The following FFAR2 variants were observed in gnomAD, a reference collection of about 807,000 sequenced individuals.
The protein encoded by FFAR2 is free fatty acid receptor 2.
For missense variants in FFAR2, 421 were observed against 428.9 expected (o/e 0.98, Z 0.16); for synonymous variants, 193 against 189.9 (o/e 1.02, Z -0.13).
At position 35,450,596 on chromosome 19, in the gene FFAR2, G is replaced by A; in HGVS notation, c.882G>A (p.Gln294=). 1 of 1,614,210 alleles carries A rather than the reference G, an allele frequency of 6.2e-7. No individual in the cohort carries two copies. Among genetic ancestry groups the A allele is most frequent in the Non-Finnish European group, 8.5e-7 (1 of 1,180,040 alleles). The part of the protein sequence containing the change: ...FGRGLQVLRN[Q]GSSLLGRRGK... Reference sequence around the variant, plus strand: ...GAGGGCTGCAGGTGCTGCGGAATCAGGGCTCCTCCCTGTTGGGACGCAGAG... The same window carrying A: ...GAGGGCTGCAGGTGCTGCGGAATCAAGGCTCCTCCCTGTTGGGACGCAGAG... Residue 294 remains glutamine (Q), a synonymous_variant, in exon 2 of 2, where the codon CAG becomes CAA. Transcript: ENST00000599180.
rs775283874 is a variant in FFAR2 at position 35,450,248 on chromosome 19, C to T, written c.534C>T (p.Pro178=). Residue 178 remains proline, a synonymous_variant, in exon 2 of 2, where the codon CCC becomes CCT. Coordinates refer to ENST00000599180, the MANE Select transcript of FFAR2 (RefSeq NM_001370087.1). ...FTDNQLDVVL[P]VRLELCLVLF... ...ATAACCAGTTGGACGTGGTGCTGCC[C>T]GTGCGGCTGGAGCTGTGCCTGGTGC... 1.9e-6 allele frequency: 3 copies of T among 1,614,198 alleles called. No individual in the cohort carries two copies. Among genetic ancestry groups the T allele is most frequent in the East Asian group, 2.2e-5 (1 of 44,886 alleles).
At chr19:35,448,795 C>T (rs994062322) in intron 1 of FFAR2, among the ~76,000 whole-genome samples, 1 of 142,560 alleles carries the variant, frequency 7.0e-6, no homozygotes, top group East Asian at 1.9e-4. Context: ...CCAGCTTCCC[C>T]TTTTCTTTTC....
intron 1 of FFAR2, 50 bp from the exon 2 acceptor site, chr19:35,449,664 G>A (rs748043974): frequency 6.6e-6 from 10 of 1,516,308 alleles, no homozygotes; most frequent in Middle Eastern, 1.8e-4. Context: ...CTGGCTGCGC[G>A]GGCTGTGAGT....
At position 35,450,599 on chromosome 19, in the gene FFAR2, C is replaced by T. The variant is rs1225897204; in HGVS notation, c.885C>T (p.Gly295=). 6.2e-7 allele frequency: 1 copy of T among 1,614,216 alleles called. No individual in the cohort carries two copies. The highest frequency in any genetic ancestry group is 8.5e-7 in the Non-Finnish European group (1 of 1,180,050). The change falls in exon 2 of 2, where the codon GGC becomes GGT. Residue 295 remains glycine (G), a synonymous_variant. Transcript: ENST00000599180. ...GRGLQVLRNQ[G]SSLLGRRGKD... is the part of the protein sequence containing the mutation. The stretch of plus-strand genomic sequence containing the variant: ...GGCTGCAGGTGCTGCGGAATCAGGG[C>T]TCCTCCCTGTTGGGACGCAGAGGCA...
At position 35,450,370 on chromosome 19, in the gene FFAR2, G is replaced by C. The variant is rs527470434; in HGVS notation, c.656G>C (p.Arg219Pro). ...QPLVGAQRRR[R>P]AVGLAVVTLL... ...CTTGTGGGGGCCCAGAGGCGGCGCCGAGCCGTGGGGCTGGCTGTGGTGACG... is the reference window on the plus strand; with the variant it reads ...CTTGTGGGGGCCCAGAGGCGGCGCCCAGCCGTGGGGCTGGCTGTGGTGACG... The change falls in exon 2 of 2, where the codon CGA (arginine) becomes CCA (proline). Residue 219 changes from arginine to proline, a missense_variant. Coordinates refer to ENST00000599180, the MANE Select transcript of FFAR2 (RefSeq NM_001370087.1). 1 of 1,614,102 alleles carries C rather than the reference G, an allele frequency of 6.2e-7. No homozygotes were observed. The highest frequency in any genetic ancestry group is 2.2e-5 in the East Asian group (1 of 44,898).
At chr19:35,448,736 AG>A (rs1181593554) in intron 1 of FFAR2, among the ~76,000 whole-genome samples, 3 of 151,808 alleles carry the variant, frequency 2.0e-5, no homozygotes, top group Non-Finnish European at 4.4e-5. Context: ...CTTCCTCCTA[AG>A]GCTAGTGCTG....
intron 1 of FFAR2, among the ~76,000 whole-genome samples, chr19:35,449,298 C>A (rs1459422300): frequency 2.0e-5 from 3 of 152,206 alleles, no homozygotes; most frequent in Non-Finnish European, 4.4e-5. Context: ...TACTGATAAG[C>A]ATCTTACAGC....
At position 35,448,896 on chromosome 19, in the gene FFAR2, C is replaced by T. The variant is rs112031985; in HGVS notation, c.-2+517C>T. Among the ~76,000 whole-genome samples, 1,363 of 151,320 alleles carry T rather than the reference C, an allele frequency of 9.0e-3. 26 individuals carry two copies. Among genetic ancestry groups the T allele is most frequent in the African/African-American group, 0.03 (1,254 of 41,204 alleles). On this transcript the variant is annotated intron_variant, in intron 1 of 1. Coordinates refer to ENST00000599180, the MANE Select transcript of FFAR2 (RefSeq NM_001370087.1). ...TTGACTCACTGCAACCTCTGCTTCC[C>T]GGTTCAAGCGATTCTCCTGCCTCAG...
Position 35,450,369 on chromosome 19 carries a change from C to T in FFAR2, c.655C>T (p.Arg219Ter), listed in dbSNP as rs1422005865. Residue 219 changes from arginine to a stop codon, truncating the protein, a stop_gained, in exon 2 of 2, where the codon CGA (arginine) becomes TGA (stop). Transcript: ENST00000599180. LOFTEE classifies it low-confidence loss of function (END_TRUNC). Reference protein sequence around the residue: ...QPLVGAQRRRRAVGLAVVTLL... With the variant: ...QPLVGAQRRR ...CCTTGTGGGGGCCCAGAGGCGGCGC[C>T]GAGCCGTGGGGCTGGCTGTGGTGAC... 9 of 1,614,068 alleles carry T rather than the reference C, an allele frequency of 5.6e-6. No homozygotes were observed. The African/African-American group carries it at 1.1e-4, about 19-fold the overall frequency.
rs749482419 is a variant in FFAR2, at chr19:35,450,754, G to A, written c.*47G>A. The A allele has an allele frequency of 1.9e-6, 3 of 1,565,242 alleles. No homozygotes were observed. Among genetic ancestry groups the A allele is most frequent in the South Asian group, 1.2e-5 (1 of 84,558 alleles). On this transcript the variant is annotated 3_prime_UTR_variant, in exon 2 of 2. Coordinates refer to ENST00000599180, the MANE Select transcript of FFAR2 (RefSeq NM_001370087.1). ...GGTCGCCTGGGTTACACAGGAGCTG[G>A]GAAGCCTGGGAGAGGCGGAGCAGGA...
intron 1 of FFAR2, among the ~76,000 whole-genome samples, chr19:35,449,316 C>T (rs147198056): frequency 2.1e-4 from 32 of 152,328 alleles, no homozygotes; most frequent in African/African-American, 7.5e-4. Context: ...AGCTCTCTCC[C>T]GGCACTGATG....
rs139764605 is a variant in FFAR2, at chr19:35,450,466, G to A, written c.752G>A (p.Ser251Asn). 1.2e-3 allele frequency: 1,990 copies of A among 1,614,254 alleles called. 2 individuals are homozygous for A. The highest frequency in any genetic ancestry group is 2.0e-3 in the Middle Eastern group (12 of 6,060). ...CTGGTGGGGTATCACCAGAGAAAAA[G>A]CCCCTGGTGGCGGTCAATAGCCGTG... ...SHLVGYHQRKSPWWRSIAVVF... is the reference protein window; with the variant it reads ...SHLVGYHQRKNPWWRSIAVVF... The change falls in exon 2 of 2, where the codon AGC (serine) becomes AAC (asparagine). Residue 251 changes from serine (S) to asparagine (N), a missense_variant. Transcript: ENST00000599180.
chr19:35,450,824 T>A lies in FFAR2; in HGVS notation c.*117T>A. On this transcript the variant is annotated 3_prime_UTR_variant, in exon 2 of 2. Coordinates refer to ENST00000599180, the MANE Select transcript of FFAR2 (RefSeq NM_001370087.1). The stretch of plus-strand genomic sequence containing the variant: ...GAAATCCTTAGACCCAGCCCAGGAC[T>A]GCGACTTTGAAAAAAATGCCTTTCA... 1 of 1,124,584 alleles carries A rather than the reference T, an allele frequency of 8.9e-7. No individual in the cohort carries two copies. The highest frequency in any genetic ancestry group is 1.2e-6 in the Non-Finnish European group (1 of 805,250). 69.7% of individuals were successfully genotyped at this position (1,124,584 alleles called of 1,614,324 possible).
rs770984896 is a variant in FFAR2 at position 35,449,963 on chromosome 19, C to T, written c.249C>T (p.Ala83=). 7.4e-6 allele frequency: 12 copies of T among 1,613,940 alleles called. No homozygotes were observed. The South Asian group carries it at 8.8e-5, about 12-fold the overall frequency. Residue 83 remains alanine, a synonymous_variant, in exon 2 of 2, where the codon GCC becomes GCT. Transcript: ENST00000599180. ...FRWYLPKVVC[A]LTSFGFYSSI... is the part of the protein sequence containing the mutation. Reference sequence around the variant, plus strand: ...GGTACCTGCCCAAGGTCGTCTGCGCCCTCACGAGTTTTGGCTTCTACAGCA... The same window carrying T: ...GGTACCTGCCCAAGGTCGTCTGCGCTCTCACGAGTTTTGGCTTCTACAGCA...
At chr19:35,448,729 C>T (rs1472922546) in intron 1 of FFAR2, among the ~76,000 whole-genome samples, 11 of 152,198 alleles carry the variant, frequency 7.2e-5, no homozygotes, top group Non-Finnish European at 1.5e-5. Flanking sequence ...GACAAGCCTT[C>T]CTCCTAAGGC....
chr19:35,450,784 T>TC lies in FFAR2; in HGVS notation c.*80dup. On this transcript the variant is annotated 3_prime_UTR_variant, in exon 2 of 2. Coordinates refer to ENST00000599180, the MANE Select transcript of FFAR2 (RefSeq NM_001370087.1). Reference sequence around the variant, plus strand: ...CCTGGGAGAGGCGGAGCAGGAAGGCTCCCATCCAGATTCAGAAATCCTTAG... The same window carrying TC: ...CCTGGGAGAGGCGGAGCAGGAAGGCTCCCCATCCAGATTCAGAAATCCTTAG... The TC allele has an allele frequency of 6.9e-7, 1 of 1,451,770 alleles. No homozygotes were observed. The highest frequency in any genetic ancestry group is 9.3e-7 in the Non-Finnish European group (1 of 1,079,694). 89.9% of individuals were successfully genotyped at this position (1,451,770 alleles called of 1,614,324 possible).
intron 1 of FFAR2, among the ~76,000 whole-genome samples, 173 bp downstream of exon 1, chr19:35,448,552 G>A (rs1326686127): frequency 6.6e-6 from 1 of 152,188 alleles, no homozygotes; most frequent in Non-Finnish European, 1.5e-5. Context: ...AGGCTGGAGA[G>A]TGGACAGAGG....
chr19:35,449,673 G>C, intron 1 of FFAR2, 41 bp from the exon 2 acceptor site: 1 of 1,522,756 alleles, frequency 6.6e-7, no homozygotes, highest in Non-Finnish European at 8.8e-7. Context: ...CGGGCTGTGA[G>C]TGAGACCTCC....
chr19:35,448,805 C>CT (rs68044450), intron 1 of FFAR2, among the ~76,000 whole-genome samples: 1,841 of 140,300 alleles, frequency 0.013, 30 homozygotes, highest in African/African-American at 0.039. Context: ...CTTTTCTTTT[C>CT]TTTTTTTTTT....
Sources: gnomAD v4.1 joint callset for allele counts (sites outside exome capture counted in the v4.1 genomes callset) on GRCh38, gnomAD v4.1.1 for gene constraint, MANE v1.5 for transcripts, NCBI Gene and HGNC (gene_info 2026-07-23, HGNC 2026-07-21) for gene names.